The following ACSM1 variants were observed in gnomAD, a reference collection of about 807,000 sequenced individuals.
ACSM1 encodes acyl-CoA synthetase medium chain family member 1.
ACSM1 carries 79 observed loss-of-function variants against 75.8 expected under a neutral mutation model. That is an observed-to-expected ratio of 1.04 (90% CI 0.87 to 1.26). The LOEUF (loss-of-function observed/expected upper bound fraction) is 1.26. Among genes scored for constraint, ACSM1 ranks in the 50% most tolerant of loss-of-function variants. The probability of loss-of-function intolerance (pLI) is 0.00; values close to 1 mark genes in which losing one functional copy is unlikely to be tolerated. For synonymous variants in ACSM1, 279 were observed against 265.8 expected, an observed-to-expected ratio of 1.05 and a Z score of -0.48; for missense variants, 676 against 720.1, an observed-to-expected ratio of 0.94 and a Z score of 0.70.
intron 6 of ACSM1, among the ~76,000 whole-genome samples, chr16:20,669,199 T>G (rs949849147): frequency 1.3e-5 from 2 of 152,124 alleles, no homozygotes; most frequent in African/African-American, 4.8e-5. Context: ...CTCCCACAGA[T>G]AGAGTGTTTT....
intron 7 of ACSM1, among the ~76,000 whole-genome samples, chr16:20,647,207 G>A (rs1442139564): frequency 2.6e-5 from 4 of 152,202 alleles, no homozygotes; most frequent in Admixed American, 2.6e-4. Flanking sequence ...TGAACCATGT[G>A]GATGCCCTCA....
In ACSM1 at chr16:20,658,511, C is replaced by T. The variant is rs563631955; in HGVS notation, c.992+3283G>A. ...AGAAGTAATCAATGCCTGTCCACAT[C>T]CATTCCTATCTGGCCTAGAACAATT... On this transcript the variant is annotated intron_variant, in intron 7 of 13. Transcript: ENST00000520010. Among the ~76,000 whole-genome samples the T allele has an allele frequency of 2.0e-5, 3 of 152,204 alleles. No individual in the cohort carries two copies. The South Asian group carries it at 6.2e-4, about 32-fold the overall frequency.
At chr16:20,637,762 G>T (rs1300436162) in intron 8 of ACSM1, among the ~76,000 whole-genome samples, 1 of 152,206 alleles carries the variant, frequency 6.6e-6, no homozygotes, top group Non-Finnish European at 1.5e-5. Context: ...ATAATGTGGG[G>T]TGTGGCATGC....
chr16:20,680,477 T>G (rs917041983), intron 4 of ACSM1: 4 of 152,208 alleles, frequency 2.6e-5, no homozygotes, highest in Non-Finnish European at 1.5e-5. Flanking sequence ...GGAACTAATA[T>G]GGGGAACCAG....
intron 6 of ACSM1, among the ~76,000 whole-genome samples, chr16:20,664,816 A>T: frequency 6.6e-6 from 1 of 152,222 alleles, no homozygotes; most frequent in East Asian, 1.9e-4. Flanking sequence ...GTTAGACCAC[A>T]GTGCAAGAAA....
intron 10 of ACSM1, among the ~76,000 whole-genome samples, chr16:20,635,578 CTTTTTCTTTCTTTCTT>C (rs1567251505): frequency 6.9e-6 from 1 of 145,814 alleles, no homozygotes; most frequent in Non-Finnish European, 1.5e-5. Flanking sequence ...TTTAATTTTT[CTTTTTCTTTCTTTCTT>C]TCTTTCTTTC....
intron 4 of ACSM1, among the ~76,000 whole-genome samples, chr16:20,676,466 G>A (rs2152288069): frequency 6.6e-6 from 1 of 152,320 alleles, no homozygotes; most frequent in Admixed American, 6.5e-5. Context: ...CTGAAAATCA[G>A]TGCATGGTGG....
rs1407001480 is a variant in ACSM1 at position 20,691,027 on chromosome 16, A to G, written c.162T>C (p.Tyr54=). ...EVPEEFNFAS[Y]VLDYWAQKEK... ...CCTTTTGAGCCCAGTAGTCCAGTAC[A>G]TAACTTGCAAAGTTAAATTCCTCCG... The change falls in exon 2 of 14, where the codon TAT becomes TAC. Residue 54 remains tyrosine, a synonymous_variant. Coordinates refer to ENST00000520010, the MANE Select transcript of ACSM1 (RefSeq NM_001318890.3). 21 of 1,613,626 alleles carry G rather than the reference A, an allele frequency of 1.3e-5. No homozygotes were observed. Among genetic ancestry groups the G allele is most frequent in the Non-Finnish European group, 1.6e-5 (19 of 1,179,808 alleles).
chr16:20,641,002 G>A (rs1475663534), intron 7 of ACSM1, among the ~76,000 whole-genome samples: 1 of 152,158 alleles, frequency 6.6e-6, no homozygotes, highest in African/African-American at 2.4e-5. Flanking sequence ...CTTTTATGGA[G>A]CTTACACTAC....
intron 10 of ACSM1, among the ~76,000 whole-genome samples, chr16:20,635,634 TTC>T (rs1229104680): frequency 3.6e-5 from 4 of 111,222 alleles, no homozygotes; most frequent in Non-Finnish European, 1.9e-5. Flanking sequence ...CTTTCTTTCT[TTC>T]TTTCTTTCTT....
At chr16:20,672,471 A>AAAAAAAAAAAAAT (rs1555473775) in intron 4 of ACSM1, among the ~76,000 whole-genome samples, 3 of 64,574 alleles carry the variant, frequency 4.6e-5, no homozygotes, top group African/African-American at 1.2e-4. Context: ...AAAAAAAAAA[A>AAAAAAAAAAAAAT]ATATATATAT....
At chr16:20,670,115 T>A in intron 5 of ACSM1, 129 bp from the exon 6 acceptor site, 1 of 865,016 alleles carries the variant, frequency 1.2e-6, no homozygotes, top group Non-Finnish European at 1.8e-6. Context: ...TGGGGCTCCA[T>A]ACCACCCTCA....
At chr16:20,647,209 A>T (rs1251625761) in intron 7 of ACSM1, among the ~76,000 whole-genome samples, 1 of 152,188 alleles carries the variant, frequency 6.6e-6, no homozygotes, top group African/African-American at 2.4e-5. Context: ...AACCATGTGG[A>T]TGCCCTCAAG....
intron 7 of ACSM1, among the ~76,000 whole-genome samples, chr16:20,658,877 G>A (rs1651646642): frequency 6.6e-6 from 1 of 152,106 alleles, no homozygotes; most frequent in African/African-American, 2.4e-5. Context: ...TTATCAGAGG[G>A]TTGAAATAAC....
intron 10 of ACSM1, 143 bp downstream of exon 10, chr16:20,636,596 G>C (rs1427627648): frequency 3.1e-6 from 2 of 639,298 alleles, no homozygotes; most frequent in Non-Finnish European, 5.5e-6. Flanking sequence ...ATGGGAGAAT[G>C]CACGGTGAGC....
intron 2 of ACSM1, among the ~76,000 whole-genome samples, chr16:20,686,860 G>T (rs527301484): frequency 6.6e-6 from 1 of 151,614 alleles, no homozygotes; most frequent in Non-Finnish European, 1.5e-5. Context: ...TAATTGGTAT[G>T]ACTGCAGTAG....
At chr16:20,650,610 G>C (rs941542555) in intron 7 of ACSM1, among the ~76,000 whole-genome samples, 3 of 151,248 alleles carry the variant, frequency 2.0e-5, no homozygotes, top group Admixed American at 6.6e-5. Flanking sequence ...CCCACAAGCA[G>C]CATGCACTGA....
chr16:20,670,104 G>T (rs1035775337), intron 5 of ACSM1, 118 bp from the exon 6 acceptor site: 2 of 1,000,628 alleles, frequency 2.0e-6, no homozygotes, highest in Admixed American at 2.3e-5. Flanking sequence ...TGTGATTTGT[G>T]TGGGGCTCCA....
chr16:20,679,972 A>G (rs536514078), intron 4 of ACSM1: 6 of 152,326 alleles, frequency 3.9e-5, no homozygotes, highest in African/African-American at 1.4e-4. Flanking sequence ...CCTAAAAAAA[A>G]ACAGAAGCAG....
Sources: allele counts gnomAD v4.1 joint callset (sites outside exome capture counted in the v4.1 genomes callset), GRCh38; gene constraint gnomAD v4.1.1; transcripts MANE v1.5; gene names NCBI Gene and HGNC (gene_info 2026-07-23, HGNC 2026-07-21).